Variants in OXR1 observed in about 807,000 individuals in gnomAD.
The protein encoded by OXR1 is oxidation resistance protein 1.
A neutral mutation model predicts 104.6 loss-of-function variants in OXR1; 41 were observed. The observed-to-expected ratio is 0.39, with a 90% CI of 0.31 to 0.51. The LOEUF is 0.51. OXR1 is among the 20% of genes least tolerant of loss of function. The pLI, the probability that OXR1 is intolerant of heterozygous loss-of-function variation, is 0.77. For missense variants in OXR1, 955 were observed against 1,031.9 expected, an observed-to-expected ratio of 0.93 and a Z score of 1.02; for synonymous variants, 348 against 348.4, an observed-to-expected ratio of 1.00 and a Z score of 0.01.
At chr8:106,285,481 G>A (rs1586472218) in intron 1 of OXR1, among the ~76,000 whole-genome samples, 1 of 152,082 alleles carries the variant, frequency 6.6e-6, no homozygotes, top group South Asian at 2.1e-4. Flanking sequence ...ACAGTAACAA[G>A]TGTCCTTCCG....
intron 11 of OXR1, chr8:106,725,995 A>T (rs2131489827): frequency 4.4e-6 from 2 of 451,526 alleles, no homozygotes; most frequent in East Asian, 8.5e-5. Context: ...GTACAGTGCA[A>T]CCAAACTTAA....
intron 1 of OXR1, among the ~76,000 whole-genome samples, chr8:106,320,711 G>T (rs1014294552): frequency 2.6e-5 from 4 of 151,694 alleles, no homozygotes; most frequent in Admixed American, 1.3e-4. Flanking sequence ...TTGCTCTGTT[G>T]CCCAGGCTGG....
chr8:106,606,228 C>T (rs1330707637), intron 3 of OXR1, among the ~76,000 whole-genome samples: 2 of 152,086 alleles, frequency 1.3e-5, no homozygotes, highest in Non-Finnish European at 2.9e-5. Context: ...TGGCCACCTA[C>T]CATCGTCAAA....
chr8:106,707,079 A>G lies in OXR1; in HGVS notation c.1558A>G (p.Asn520Asp), dbSNP rs368168055. ...TMQQTKQQRE[N>D]IQQVSQKEAK... ...GCAACAAACTAAACAGCAAAGGGAA[A>G]ATATTCAACAAGTGTCACAAAAAGA... The change falls in exon 9 of 17, where the codon AAT becomes GAT. Residue 520 changes from asparagine to aspartate, a missense_variant. This residue lies in a region of OXR1 where 849 missense variants were observed against 852.9 expected (regional missense o/e 1.00). Coordinates refer to ENST00000517566, the MANE Select transcript of OXR1 (RefSeq NM_001198533.2). 2.4e-5 allele frequency: 39 copies of G among 1,613,872 alleles called. No homozygotes were observed. The highest frequency in any genetic ancestry group is 3.2e-5 in the Non-Finnish European group (38 of 1,179,938).
At chr8:106,694,751 TTAA>T (rs1175115835) in intron 7 of OXR1, among the ~76,000 whole-genome samples, 1 of 114,052 alleles carries the variant, frequency 8.8e-6, no homozygotes, top group Non-Finnish European at 1.7e-5. Context: ...TATTTATATA[TTAA>T]TATATATATT....
intron 3 of OXR1, among the ~76,000 whole-genome samples, chr8:106,672,113 T>A (rs1338601749): frequency 6.6e-6 from 1 of 150,810 alleles, no homozygotes; most frequent in Non-Finnish European, 1.5e-5. Flanking sequence ...AAAACCGGAG[T>A]TAATAAATAC....
intron 2 of OXR1, among the ~76,000 whole-genome samples, chr8:106,373,008 T>C (rs1586578290): frequency 6.6e-6 from 1 of 152,276 alleles, no homozygotes; most frequent in East Asian, 1.9e-4. Context: ...GGGAAAAAAA[T>C]TTACAAAGTT....
intron 11 of OXR1, among the ~76,000 whole-genome samples, chr8:106,719,505 A>G (rs1269775261): frequency 6.6e-6 from 1 of 152,190 alleles, no homozygotes; most frequent in African/African-American, 2.4e-5. Context: ...TATTTTTACA[A>G]TTTGTTTTTT....
At chr8:106,343,788 G>A (rs1454648683) in intron 1 of OXR1, among the ~76,000 whole-genome samples, 2 of 152,194 alleles carry the variant, frequency 1.3e-5, no homozygotes, top group Non-Finnish European at 1.5e-5. Flanking sequence ...TGTATTTAGC[G>A]CTTTGTATAT....
At chr8:106,487,757 A>AT (rs1380030677) in intron 2 of OXR1, among the ~76,000 whole-genome samples, 1 of 151,040 alleles carries the variant, frequency 6.6e-6, no homozygotes, top group East Asian at 2.0e-4. Flanking sequence ...TGAACTCATC[A>AT]TTTTTTCTGG....
chr8:106,385,198 A>G (rs1276451067), intron 2 of OXR1, among the ~76,000 whole-genome samples: 1 of 152,212 alleles, frequency 6.6e-6, no homozygotes, highest in African/African-American at 2.4e-5. Context: ...ATGATTCCTG[A>G]AAGCTTTTAT....
chr8:106,367,266 T>C (rs1207584871), intron 2 of OXR1, among the ~76,000 whole-genome samples: 2 of 152,006 alleles, frequency 1.3e-5, no homozygotes, highest in African/African-American at 4.8e-5. Flanking sequence ...GGTTTCACTG[T>C]GTTAGCCAGG....
At chr8:106,687,848 A>G (rs1201862252) in intron 6 of OXR1, among the ~76,000 whole-genome samples, 2 of 152,344 alleles carry the variant, frequency 1.3e-5, no homozygotes, top group East Asian at 1.9e-4. Flanking sequence ...TCACTCAGCT[A>G]GTAGCTAAGC....
At chr8:106,581,494 T>C (rs1235342108) in intron 3 of OXR1, among the ~76,000 whole-genome samples, 1 of 152,126 alleles carries the variant, frequency 6.6e-6, no homozygotes, top group Non-Finnish European at 1.5e-5. Context: ...ATTTTGATTC[T>C]GTGTTTTTTT....
At chr8:106,604,864 C>T (rs1010897554) in intron 3 of OXR1, 1 of 152,148 alleles carries the variant, frequency 6.6e-6, no homozygotes, top group African/African-American at 2.4e-5. Flanking sequence ...AGCTGTTTAT[C>T]TGTGTGCAAA....
At chr8:106,292,477 G>A (rs571567377) in intron 1 of OXR1, among the ~76,000 whole-genome samples, 13 of 152,238 alleles carry the variant, frequency 8.5e-5, no homozygotes, top group South Asian at 2.1e-4. Flanking sequence ...GATGGAAAAA[G>A]CATTAAATTT....
chr8:106,709,654 T>G (rs1244401592), intron 9 of OXR1, among the ~76,000 whole-genome samples: 1 of 152,056 alleles, frequency 6.6e-6, no homozygotes, highest in Non-Finnish European at 1.5e-5. Context: ...AGGACAAAAA[T>G]TGATAGATGT....
At chr8:106,284,987 A>G (rs1308829384) in intron 1 of OXR1, among the ~76,000 whole-genome samples, 1 of 152,118 alleles carries the variant, frequency 6.6e-6, no homozygotes, top group African/African-American at 2.4e-5. Flanking sequence ...AATATATATA[A>G]AATAAGTTCT....
intron 1 of OXR1, among the ~76,000 whole-genome samples, chr8:106,307,503 A>G (rs1813513173): frequency 6.6e-6 from 1 of 151,766 alleles, no homozygotes; most frequent in African/African-American, 2.4e-5. Context: ...ATGTTTTCTC[A>G]GGTTCAAACA....
Sources: gnomAD v4.1 joint callset for allele counts (sites outside exome capture counted in the v4.1 genomes callset) on GRCh38, gnomAD v4.1.1 for gene constraint, gnomAD v4.1.1 regional missense constraint, MANE v1.5 for transcripts, NCBI Gene and HGNC (gene_info 2026-07-23, HGNC 2026-07-21) for gene names.